The following ABLIM2 variants were observed in gnomAD, a reference collection of about 807,000 sequenced individuals.
ABLIM2 encodes the protein actin binding LIM protein family member 2, also known as actin-binding LIM protein 2.
ABLIM2 carries 53 observed loss-of-function variants against 97.7 expected under a neutral mutation model. The observed-to-expected ratio is 0.54, with a 90% CI of 0.44 to 0.68. The LOEUF (loss-of-function observed/expected upper bound fraction) is 0.68, where lower values mean the gene tolerates loss of function less well. ABLIM2 is among the 30% of genes least tolerant of loss of function. The pLI is 0.00. For missense variants in ABLIM2, 835 were observed against 867.2 expected, an observed-to-expected ratio of 0.96 and a Z score of 0.47; for synonymous variants, 361 against 345.8, an observed-to-expected ratio of 1.04 and a Z score of -0.49.
intron 20 of ABLIM2, among the ~76,000 whole-genome samples, chr4:7,974,394 T>TCCATCCAC (rs1560337167): frequency 8.7e-6 from 1 of 114,994 alleles, no homozygotes; most frequent in African/African-American, 2.8e-5. Context: ...CATCCACCCA[T>TCCATCCAC]CCATCCACCC....
At chr4:8,041,108 G>C (rs947290128) in intron 9 of ABLIM2, among the ~76,000 whole-genome samples, 3 of 152,360 alleles carry the variant, frequency 2.0e-5, no homozygotes, top group Non-Finnish European at 4.4e-5. Flanking sequence ...CGAGCAGGAA[G>C]TCCATCAAAG....
At chr4:8,080,925 GC>G in intron 4 of ABLIM2, 123 bp from the exon 5 acceptor site, 1 of 1,202,056 alleles carries the variant, frequency 8.3e-7, no homozygotes, top group Non-Finnish European at 1.1e-6. Flanking sequence ...CAGACCAGCA[GC>G]CACAGCGAGT....
At chr4:8,053,156 C>T (rs1797079106) in intron 8 of ABLIM2, among the ~76,000 whole-genome samples, 1 of 152,234 alleles carries the variant, frequency 6.6e-6, no homozygotes, top group Admixed American at 6.5e-5. Flanking sequence ...TATTCAAAGT[C>T]ACCCCTCTGC....
At chr4:8,146,104 C>T (rs1246559488) in intron 1 of ABLIM2, among the ~76,000 whole-genome samples, 1 of 152,144 alleles carries the variant, frequency 6.6e-6, no homozygotes, top group Non-Finnish European at 1.5e-5. Context: ...AGAAATGATG[C>T]GTCCTGTATT....
chr4:7,989,292 T>C (rs1746865996), intron 17 of ABLIM2: 1 of 442,188 alleles, frequency 2.3e-6, no homozygotes, highest in African/African-American at 2.1e-5. Context: ...TTGGCCAGGA[T>C]GGTCTCAAAC....
chr4:7,993,150 C>T lies in ABLIM2; in HGVS notation c.1619-223G>A, dbSNP rs538578923. Among the ~76,000 whole-genome samples the T allele has an allele frequency of 3.9e-5, 6 of 152,310 alleles. No homozygotes were observed. In the South Asian group the frequency reaches 6.2e-4, roughly 16 times the overall value. ...AATGTCCTGAGCCTGCCCGTGACAC[C>T]GGAAATGCCACAGAACCTCAGCCCA... On this transcript the variant is annotated intron_variant, in intron 16 of 20. Coordinates refer to ENST00000447017, the MANE Select transcript of ABLIM2 (RefSeq NM_001130083.2).
chr4:8,086,694 C>T (rs985731833), intron 4 of ABLIM2, among the ~76,000 whole-genome samples: 1 of 152,096 alleles, frequency 6.6e-6, no homozygotes, highest in Non-Finnish European at 1.5e-5. Flanking sequence ...ACAAACTGTT[C>T]AAAACTGATC....
rs554137551 is a variant in ABLIM2 at position 8,127,599 on chromosome 4, C to T, written c.11-20962G>A. The T allele has an allele frequency of 6.6e-3, 8,546 of 1,289,580 alleles. 33 individuals are homozygous for T. Among genetic ancestry groups the T allele is most frequent in the Non-Finnish European group, 7.5e-3 (7,449 of 988,754 alleles). The allele number at this position is 1,289,580 out of a possible 1,614,324, so 79.9% of individuals were successfully genotyped here. A position where few individuals can be genotyped will look rare whatever the true frequency, so the allele number is the denominator to read the frequency against. On this transcript the variant is annotated intron_variant, in intron 1 of 20. Coordinates refer to ENST00000447017, the MANE Select transcript of ABLIM2 (RefSeq NM_001130083.2). This position sits in a 1 kb window ranked among gnomAD's most constrained non-coding sequence, Gnocchi z 7.3. ...AGCGTGGCTGCTTGCAAAGGGCCAG[C>T]GGGTCGGCGGCTCTCCCTCTGCGTG...
chr4:8,015,806 A>G lies in ABLIM2; in HGVS notation c.1423+3812T>C, dbSNP rs1768632614. On this transcript the variant is annotated intron_variant, in intron 14 of 20. Coordinates refer to ENST00000447017, the MANE Select transcript of ABLIM2 (RefSeq NM_001130083.2). This position sits in a 1 kb window ranked among gnomAD's most constrained non-coding sequence, Gnocchi z 4.6. ...ATGAGGACTGTCCCTGCATCTGGAG[A>G]GTCGAACTTACTGGGAAATGTTGGG... Among the ~76,000 whole-genome samples the G allele has an allele frequency of 2.0e-5, 3 of 152,156 alleles. No individual in the cohort carries two copies. The highest frequency in any genetic ancestry group is 4.4e-5 in the Non-Finnish European group (3 of 68,030).
At position 8,021,894 on chromosome 4, in the gene ABLIM2, T is replaced by C. The variant is rs1773971674; in HGVS notation, c.1268-1591A>G. 6.6e-6 allele frequency among the ~76,000 whole-genome samples: 1 copy of C among 152,226 alleles called. No individual in the cohort carries two copies. The highest frequency in any genetic ancestry group is 2.4e-5 in the African/African-American group (1 of 41,462). On this transcript the variant is annotated intron_variant, in intron 12 of 20. Coordinates refer to ENST00000447017, the MANE Select transcript of ABLIM2 (RefSeq NM_001130083.2). The surrounding 1 kb of genome is among the most constrained non-coding windows in gnomAD (Gnocchi z 5.5). ...CCTCCCTCCAGAACAGCATGGAACC[T>C]TCTAGAGCCTCAGTTGGCTCTACAG...
intron 12 of ABLIM2, 64 bp from the exon 13 acceptor site, chr4:8,020,367 C>T (rs1369417613): frequency 7.0e-7 from 1 of 1,436,322 alleles, no homozygotes; most frequent in East Asian, 2.3e-5. Flanking sequence ...TAGAATATTT[C>T]AAGCATGAAA....
chr4:7,974,638 CATCCATCCACCCACCTACCCACCT>C (rs1731441994), intron 20 of ABLIM2, among the ~76,000 whole-genome samples: 3 of 150,866 alleles, frequency 2.0e-5, no homozygotes, highest in African/African-American at 7.3e-5. Flanking sequence ...CCCATCCATG[CATCCATCCACCCACCTACCCACCT>C]ATCCATCCAC....
At chr4:8,142,522 C>T in intron 1 of ABLIM2, among the ~76,000 whole-genome samples, 1 of 152,218 alleles carries the variant, frequency 6.6e-6, no homozygotes, top group South Asian at 2.1e-4. Context: ...GCTGCTAAGC[C>T]TCAAAACAAG....
chr4:8,037,313 C>A (rs548550303), intron 9 of ABLIM2, among the ~76,000 whole-genome samples: 1 of 148,104 alleles, frequency 6.8e-6, no homozygotes, highest in Non-Finnish European at 1.5e-5. Flanking sequence ...CACGCACATG[C>A]ATGCGCACAC....
At chr4:8,129,494 T>C (rs938351485) in intron 1 of ABLIM2, among the ~76,000 whole-genome samples, 12 of 152,268 alleles carry the variant, frequency 7.9e-5, no homozygotes, top group African/African-American at 2.9e-4. Context: ...GCTACCATAT[T>C]GTTTCATGCA....
Position 8,120,224 on chromosome 4 carries a change from G to A in ABLIM2, c.11-13587C>T, listed in dbSNP as rs1189795078. On this transcript the variant is annotated intron_variant, in intron 1 of 20. Transcript: ENST00000447017. The surrounding 1 kb of genome is among the most constrained non-coding windows in gnomAD (Gnocchi z 5.6). ...CAAGAGCGGTGCCAGCGGGGAGCTC[G>A]AGCCATCTCTGTGGGCTGAACCGGG... is the stretch of plus-strand genomic sequence containing the variant. Among the ~76,000 whole-genome samples the A allele has an allele frequency of 6.6e-6, 1 of 152,146 alleles. No homozygotes were observed. The highest frequency in any genetic ancestry group is 1.5e-5 in the Non-Finnish European group (1 of 68,016).
rs527893660 is a variant in ABLIM2, at chr4:8,150,642, A to G, written c.10+8038T>C. On this transcript the variant is annotated intron_variant, in intron 1 of 20. Coordinates refer to ENST00000447017, the MANE Select transcript of ABLIM2 (RefSeq NM_001130083.2). The surrounding 1 kb of genome is among the most constrained non-coding windows in gnomAD (Gnocchi z 6.3). ...GGAGGAGCCACTGCTGCTGCCTGGG[A>G]TGGGGGCTGCTCAGTAGAATGCAGC... is the stretch of plus-strand genomic sequence containing the variant. Among the ~76,000 whole-genome samples, 1 of 152,128 alleles carries G rather than the reference A, an allele frequency of 6.6e-6. No individual in the cohort carries two copies. Among genetic ancestry groups the G allele is most frequent in the African/African-American group, 2.4e-5 (1 of 41,436 alleles).
At chr4:8,020,507 T>C in intron 12 of ABLIM2, 1 of 658,884 alleles carries the variant, frequency 1.5e-6, no homozygotes, top group East Asian at 2.7e-5. Context: ...CAACCCTGAG[T>C]TGAAGTCTGT....
intron 2 of ABLIM2, among the ~76,000 whole-genome samples, chr4:8,103,761 AC>A (rs1835828098): frequency 6.6e-6 from 1 of 152,002 alleles, no homozygotes; most frequent in Admixed American, 6.6e-5. Context: ...GAGGAGGGGG[AC>A]CCGGGGCAGT....
Sources: allele counts gnomAD v4.1 joint callset (sites outside exome capture counted in the v4.1 genomes callset), GRCh38; gene constraint gnomAD v4.1.1; non-coding constraint Gnocchi (gnomAD v3.1); transcripts MANE v1.5; gene names NCBI Gene and HGNC (gene_info 2026-07-23, HGNC 2026-07-21).